The following SOX5 variants were observed in gnomAD, a reference collection of about 807,000 sequenced individuals.
The protein encoded by SOX5 is transcription factor SOX-5.
In SOX5, 9 loss-of-function variants were observed where a neutral mutation model predicts 92.0. The observed-to-expected ratio is 0.10, with a 90% confidence interval of 0.06 to 0.17. SOX5 has a LOEUF of 0.17. SOX5 is among the 10% of genes least tolerant of loss of function. SOX5 has a pLI of 1.00. For synonymous variants in SOX5, 344 were observed against 336.3 expected (o/e 1.02, Z -0.25); for missense variants, 642 against 944.5 (o/e 0.68, Z 4.20).
Position 23,911,760 on chromosome 12 carries a change from G to T in SOX5, c.39-15736C>A, listed in dbSNP as rs114429831. Reference sequence around the variant, plus strand: ...TGATATGTAACAGTGACTGTTCTAGGTGCTTTCCATGTATTATTTCTGGTC... The same window carrying T: ...TGATATGTAACAGTGACTGTTCTAGTTGCTTTCCATGTATTATTTCTGGTC... On this transcript the variant is annotated intron_variant, in intron 1 of 14. Coordinates refer to ENST00000451604, the MANE Select transcript of SOX5 (RefSeq NM_006940.6). Among the ~76,000 whole-genome samples the T allele has an allele frequency of 6.6e-3, 998 of 152,052 alleles. 19 individuals are homozygous for T. The highest frequency in any genetic ancestry group is 0.023 in the African/African-American group (963 of 41,490).
intron 3 of SOX5, among the ~76,000 whole-genome samples, chr12:23,761,964 C>T (rs1371893219): frequency 1.3e-5 from 2 of 151,966 alleles, no homozygotes; most frequent in Non-Finnish European, 2.9e-5. Flanking sequence ...TAATATGTTG[C>T]TATTTATTAA....
At chr12:24,363,527 G>A (rs965484671) in intron 2 of SOX5, among the ~76,000 whole-genome samples, 1 of 152,136 alleles carries the variant, frequency 6.6e-6, no homozygotes, top group Non-Finnish European at 1.5e-5. Flanking sequence ...ATAGCCAAGT[G>A]TAGAATTTAT....
At chr12:23,819,750 C>T (rs1419417125) in intron 3 of SOX5, among the ~76,000 whole-genome samples, 1 of 152,124 alleles carries the variant, frequency 6.6e-6, no homozygotes, top group Non-Finnish European at 1.5e-5. Flanking sequence ...CTGCAAAGGA[C>T]ATGAACTCAT....
intron 4 of SOX5, among the ~76,000 whole-genome samples, chr12:24,006,963 G>A (rs915970331): frequency 3.0e-4 from 45 of 150,800 alleles, no homozygotes; most frequent in African/African-American, 9.7e-4. Context: ...GTGAAACCCC[G>A]TGTCTACAAA....
intron 4 of SOX5, among the ~76,000 whole-genome samples, chr12:24,145,901 T>C (rs932283028): frequency 1.3e-5 from 2 of 152,192 alleles, no homozygotes; most frequent in Admixed American, 6.5e-5. Context: ...AGAAGGTTGT[T>C]TCATAATAAT....
chr12:23,693,068 G>A (rs76644279), intron 6 of SOX5, among the ~76,000 whole-genome samples: 21,469 of 151,670 alleles, frequency 0.14, 2,862 homozygotes, highest in African/African-American at 0.36. Flanking sequence ...GTGCTTCCTT[G>A]TATTTTATAT....
chr12:24,192,754 C>T (rs1956645077), intron 4 of SOX5, among the ~76,000 whole-genome samples: 1 of 152,146 alleles, frequency 6.6e-6, no homozygotes, highest in Non-Finnish European at 1.5e-5. Context: ...AATGAACTCA[C>T]ACTGTATAGA....
chr12:23,867,345 G>C (rs1444871370), intron 2 of SOX5, among the ~76,000 whole-genome samples: 1 of 151,986 alleles, frequency 6.6e-6, no homozygotes, highest in Non-Finnish European at 1.5e-5. Context: ...CCTCCTTAAA[G>C]TGCTACCAAC....
chr12:24,050,014 A>G (rs777962658), intron 4 of SOX5, among the ~76,000 whole-genome samples: 1 of 149,100 alleles, frequency 6.7e-6, no homozygotes, highest in East Asian at 2.0e-4. Flanking sequence ...GCCAGATAGT[A>G]AGCAGGTATG....
intron 4 of SOX5, among the ~76,000 whole-genome samples, chr12:23,992,880 A>C (rs1174363369): frequency 6.6e-6 from 1 of 152,216 alleles, no homozygotes; most frequent in Admixed American, 6.5e-5. Context: ...ACAAAAGACA[A>C]GACTCTATGC....
intron 4 of SOX5, among the ~76,000 whole-genome samples, chr12:24,054,033 A>G (rs1458695332): frequency 2.0e-5 from 3 of 152,172 alleles, no homozygotes; most frequent in Non-Finnish European, 4.4e-5. Flanking sequence ...CTACAAAATC[A>G]CTGTCATTGT....
At chr12:23,733,630 G>A (rs1181358009) in intron 6 of SOX5, among the ~76,000 whole-genome samples, 2 of 152,092 alleles carry the variant, frequency 1.3e-5, no homozygotes, top group African/African-American at 2.4e-5. Context: ...AATTAGGTGC[G>A]CCTGACTCAA....
intron 11 of SOX5, among the ~76,000 whole-genome samples, chr12:23,560,755 T>A (rs139649423): frequency 6.7e-4 from 102 of 152,386 alleles, no homozygotes; most frequent in African/African-American, 2.4e-3. Flanking sequence ...CTCATTTTCA[T>A]GATGTACACA....
intron 3 of SOX5, among the ~76,000 whole-genome samples, chr12:23,843,959 C>G (rs1471058064): frequency 6.6e-6 from 1 of 152,152 alleles, no homozygotes; most frequent in African/African-American, 2.4e-5. Flanking sequence ...TTTAAAAGTA[C>G]AGATGCTCCT....
In SOX5 at chr12:24,320,009, T is replaced by C. The variant is rs1950060482; in HGVS notation, c.-173-42697A>G. Among the ~76,000 whole-genome samples the C allele has an allele frequency of 2.0e-5, 3 of 152,200 alleles. No individual in the cohort carries two copies. The South Asian group carries it at 6.2e-4, about 31-fold the overall frequency. ...TGTCATGGTTGACTGTGGATGTTTG[T>C]TTATATTTCTACTAGACTGCTAAAC... On this transcript the variant is annotated intron_variant, in intron 2 of 4. Transcript: ENST00000446891.
At chr12:24,436,023 A>G (rs1230449255) in intron 1 of SOX5, among the ~76,000 whole-genome samples, 2 of 152,176 alleles carry the variant, frequency 1.3e-5, no homozygotes, top group African/African-American at 4.8e-5. Flanking sequence ...ATTGATAGAT[A>G]TTGTGTGTGC....
chr12:23,764,761 G>A (rs1413739750), intron 3 of SOX5, among the ~76,000 whole-genome samples: 2 of 151,952 alleles, frequency 1.3e-5, no homozygotes, highest in Non-Finnish European at 2.9e-5. Context: ...TATAGAAATA[G>A]AAAACCATTT....
chr12:24,390,034 T>C (rs930031727), intron 1 of SOX5, among the ~76,000 whole-genome samples: 1 of 152,192 alleles, frequency 6.6e-6, no homozygotes, highest in Non-Finnish European at 1.5e-5. Flanking sequence ...CATTTGTTTC[T>C]TGCCTGACTC....
chr12:24,227,544 C>T (rs947671825), intron 3 of SOX5: 2 of 152,130 alleles, frequency 1.3e-5, no homozygotes, highest in Admixed American at 6.5e-5. Context: ...CTGTTAATAC[C>T]AGGTTTTAAA....
Sources: allele counts gnomAD v4.1 joint callset (sites outside exome capture counted in the v4.1 genomes callset), GRCh38; gene constraint gnomAD v4.1.1; transcripts MANE v1.5; gene names NCBI Gene and HGNC (gene_info 2026-07-23, HGNC 2026-07-21).